MAGI2: variants seen among roughly 807,000 people sequenced by gnomAD.
MAGI2 encodes the protein membrane associated guanylate kinase, WW and PDZ domain containing 2.
A neutral mutation model predicts 133.3 loss-of-function variants in MAGI2; 35 were observed. The ratio of observed to expected loss-of-function variants is 0.26; its 90% CI spans 0.20 to 0.35. The LOEUF (loss-of-function observed/expected upper bound fraction) is 0.35, where lower values mean the gene tolerates loss of function less well. MAGI2 is among the 10% of genes least tolerant of loss of function. The pLI is 1.00. For synonymous variants in MAGI2, 729 were observed against 710.6 expected, an observed-to-expected ratio of 1.03 and a Z score of -0.41; for missense variants, 1,636 against 1,863.4, an observed-to-expected ratio of 0.88 and a Z score of 2.25.
intron 3 of MAGI2, among the ~76,000 whole-genome samples, chr7:78,523,309 A>G (rs146071099): frequency 0.01 from 1,534 of 152,108 alleles, 28 homozygotes; most frequent in African/African-American, 0.035. Flanking sequence ...GGGATGTGCT[A>G]TATAAATATA....
intron 7 of MAGI2, among the ~76,000 whole-genome samples, chr7:78,349,009 T>C (rs1339916322): frequency 6.6e-6 from 1 of 152,218 alleles, no homozygotes; most frequent in Non-Finnish European, 1.5e-5. Flanking sequence ...CTAAGTCTTA[T>C]TGACATTCCT....
chr7:78,196,513 T>G (rs182491413), intron 11 of MAGI2, among the ~76,000 whole-genome samples: 47 of 152,338 alleles, frequency 3.1e-4, no homozygotes, highest in African/African-American at 8.9e-4. Flanking sequence ...CCGTCCTGCT[T>G]TAGTTTTCAC....
intron 1 of MAGI2, among the ~76,000 whole-genome samples, chr7:79,044,895 C>T (rs1182943770): frequency 6.6e-6 from 1 of 152,196 alleles, no homozygotes; most frequent in Non-Finnish European, 1.5e-5. Flanking sequence ...GCATTTACCA[C>T]ATGACCCTAC....
At chr7:78,369,369 T>C (rs897175404) in intron 6 of MAGI2, among the ~76,000 whole-genome samples, 156 bp from the exon 7 acceptor site, 1 of 152,064 alleles carries the variant, frequency 6.6e-6, no homozygotes, top group Non-Finnish European at 1.5e-5. Flanking sequence ...TTATAGAAAC[T>C]ATAAGAGGCA....
At chr7:79,136,003 G>GAAAGAAAGAAAGAGAGAGAA (rs749343638) in intron 1 of MAGI2, among the ~76,000 whole-genome samples, 1 of 40,924 alleles carries the variant, frequency 2.4e-5, no homozygotes. Context: ...AAGAAAGAAA[G>GAAAGAAAGAAAGAGAGAGAA]AGAAAGAAAG....
chr7:78,652,475 C>T (rs956288793), intron 2 of MAGI2, among the ~76,000 whole-genome samples: 8 of 152,084 alleles, frequency 5.3e-5, no homozygotes, highest in Non-Finnish European at 1.0e-4. Flanking sequence ...TAAAGCCACA[C>T]ATCTAAAACC....
At chr7:78,049,736 T>C (rs1048401010) in intron 21 of MAGI2, among the ~76,000 whole-genome samples, 2 of 152,198 alleles carry the variant, frequency 1.3e-5, no homozygotes, top group African/African-American at 4.8e-5. Context: ...GACGAGACTG[T>C]ATCCTTGTAA....
At chr7:79,017,360 C>A (rs1447358825) in intron 1 of MAGI2, among the ~76,000 whole-genome samples, 1 of 152,154 alleles carries the variant, frequency 6.6e-6, no homozygotes, top group Non-Finnish European at 1.5e-5. Flanking sequence ...AAAAATGAAA[C>A]CAGTCAACTG....
chr7:79,016,129 G>C (rs1253106413), intron 1 of MAGI2, among the ~76,000 whole-genome samples: 1 of 151,974 alleles, frequency 6.6e-6, no homozygotes, highest in Non-Finnish European at 1.5e-5. Context: ...GCTTAGAGAA[G>C]TAGTATGGGC....
rs767332496 is a variant in MAGI2 at position 79,399,095 on chromosome 7, C to CTTTTTTTTTTTTTTTTTTT, written c.301+53924_301+53925insAAAAAAAAAAAAAAAAAAA. Among the ~76,000 whole-genome samples the CTTTTTTTTTTTTTTTTTTT allele has an allele frequency of 1.4e-4, 15 of 106,284 alleles. 1 individual carries two copies. The highest frequency in any genetic ancestry group is 3.2e-4 in the African/African-American group (8 of 24,984). 69.7% of individuals were successfully genotyped at this position (106,284 alleles called of 152,430 possible). ...GTATTATTTCTTTTTTTTTTCTTTT[C>CTTTTTTTTTTTTTTTTTTT]TTTTTTTTTTTTTTTGGGAGATGGA... On this transcript the variant is annotated intron_variant, in intron 1 of 21. Coordinates refer to ENST00000354212, the MANE Select transcript of MAGI2 (RefSeq NM_012301.4).
At chr7:79,326,140 G>A (rs1839677531) in intron 1 of MAGI2, among the ~76,000 whole-genome samples, 1 of 152,032 alleles carries the variant, frequency 6.6e-6, no homozygotes. Context: ...ACTACACTGT[G>A]GAACCAAGTG....
intron 1 of MAGI2, among the ~76,000 whole-genome samples, chr7:79,397,773 C>A (rs1419148438): frequency 6.6e-6 from 1 of 152,088 alleles, no homozygotes; most frequent in Non-Finnish European, 1.5e-5. Context: ...CCCCCTCCAA[C>A]CTTTTCTTTA....
Position 78,028,346 on chromosome 7 carries a change from A to AT in MAGI2, c.3707-8371dup, listed in dbSNP as rs776679828. Among the ~76,000 whole-genome samples the AT allele has an allele frequency of 1.1e-4, 16 of 152,314 alleles. No individual in the cohort carries two copies. In the South Asian group the frequency reaches 3.1e-3, roughly 30 times the overall value. On this transcript the variant is annotated intron_variant, in intron 21 of 21. Transcript: ENST00000354212. ...TGGTATTTGCTTATTGAAGCTTCAC[A>AT]TTTATATTCATTTTAAAAGCATAAT...
intron 1 of MAGI2, among the ~76,000 whole-genome samples, chr7:79,326,966 C>G (rs1334795136): frequency 6.6e-6 from 1 of 152,144 alleles, no homozygotes; most frequent in Non-Finnish European, 1.5e-5. Flanking sequence ...CACTCTAAAA[C>G]CACAATCATG....
chr7:79,029,038 A>C (rs1810304896), intron 1 of MAGI2, among the ~76,000 whole-genome samples: 1 of 152,208 alleles, frequency 6.6e-6, no homozygotes, highest in Non-Finnish European at 1.5e-5. Flanking sequence ...TATGTGGCCA[A>C]GTATCCTTAG....
chr7:78,489,824 T>C lies in MAGI2; in HGVS notation c.982A>G (p.Thr328Ala). 6.2e-7 allele frequency: 1 copy of C among 1,612,882 alleles called. No homozygotes were observed. The highest frequency in any genetic ancestry group is 8.5e-7 in the Non-Finnish European group (1 of 1,179,218). The stretch of plus-strand genomic sequence containing the variant: ...GCAAGTCGTGGATCCAGCCATGATG[T>C]TGTCTTTGTGTTATGGCTGAAAAGA... ...VYFIDHNTKT[T>A]SWLDPRLAKK... The change falls in exon 6 of 22, where the codon ACA becomes GCA. Residue 328 changes from threonine to alanine, a missense_variant. Around this residue, in one of 5 missense-constraint regions of MAGI2, gnomAD observed 920 missense variants for 1,093.5 expected, o/e 0.84. Coordinates refer to ENST00000354212, the MANE Select transcript of MAGI2 (RefSeq NM_012301.4).
chr7:78,248,093 C>T (rs1355439913), intron 10 of MAGI2, among the ~76,000 whole-genome samples: 1 of 152,148 alleles, frequency 6.6e-6, no homozygotes, highest in Non-Finnish European at 1.5e-5. Context: ...AATGTCAAGT[C>T]ATACACAAGG....
intron 2 of MAGI2, among the ~76,000 whole-genome samples, chr7:78,997,070 A>G (rs1380250878): frequency 6.6e-6 from 1 of 152,178 alleles, no homozygotes; most frequent in African/African-American, 2.4e-5. Context: ...TTAGCTCCCC[A>G]CATTAGTCTT....
intron 2 of MAGI2, among the ~76,000 whole-genome samples, chr7:78,896,800 G>T (rs1797253593): frequency 1.3e-5 from 2 of 152,070 alleles, no homozygotes; most frequent in Admixed American, 1.3e-4. Context: ...GCTCTAATTG[G>T]CTTTTACCAG....
Sources: allele counts gnomAD v4.1 joint callset (sites outside exome capture counted in the v4.1 genomes callset), GRCh38; gene constraint gnomAD v4.1.1; regional missense constraint gnomAD v4.1.1; transcripts MANE v1.5; gene names NCBI Gene and HGNC (gene_info 2026-07-23, HGNC 2026-07-21).